TMEM116: variants seen among roughly 807,000 people sequenced by gnomAD.
The protein encoded by TMEM116 is transmembrane protein 116.
A neutral mutation model predicts 44.3 loss-of-function variants in TMEM116; 38 were observed. That is an observed-to-expected ratio of 0.86 (90% CI 0.66 to 1.12). The LOEUF (loss-of-function observed/expected upper bound fraction) is 1.12. TMEM116 is among the 50% of genes most tolerant of loss of function. TMEM116 has a pLI of 0.00. For synonymous variants in TMEM116, 132 were observed against 144.8 expected (o/e 0.91, Z 0.64); for missense variants, 354 against 401.7 (o/e 0.88, Z 1.01).
Position 111,978,130 on chromosome 12 carries a change from G to A in TMEM116, c.210+13628C>T, listed in dbSNP as rs376260408. On this transcript the variant is annotated intron_variant, in intron 4 of 10. Coordinates refer to ENST00000552374, the MANE Select transcript of TMEM116 (RefSeq NM_001193531.2). ...AAAAAAAAAAAGGCCCAGCTAGCGC[G>A]GTGGCTCACGCCTGTAATCCCAGCA... Among the ~76,000 whole-genome samples, 177 of 150,604 alleles carry A rather than the reference G, an allele frequency of 1.2e-3. 1 individual carries two copies. Among genetic ancestry groups the A allele is most frequent in the African/African-American group, 4.1e-3 (169 of 41,036 alleles).
chr12:111,940,466 T>C (rs1327352514), intron 5 of TMEM116, among the ~76,000 whole-genome samples: 2 of 104,438 alleles, frequency 1.9e-5, no homozygotes, highest in African/African-American at 4.5e-5. Context: ...GCCCCCCACA[T>C]ATATATATAT....
chr12:112,000,125 C>G (rs915626755), intron 3 of TMEM116, among the ~76,000 whole-genome samples: 7 of 152,282 alleles, frequency 4.6e-5, no homozygotes, highest in African/African-American at 9.6e-5. Flanking sequence ...GTGACTAACA[C>G]AATTCTCCTT....
At chr12:111,987,131 GCA>G (rs973769439) in intron 4 of TMEM116, among the ~76,000 whole-genome samples, 6 of 152,216 alleles carry the variant, frequency 3.9e-5, no homozygotes, top group African/African-American at 1.4e-4. Context: ...GACAATATTT[GCA>G]CATTGTATGT....
At chr12:111,945,881 CACTTTCAGG>C (rs2073234989) in intron 4 of TMEM116, among the ~76,000 whole-genome samples, 1 of 152,150 alleles carries the variant, frequency 6.6e-6, no homozygotes, top group Admixed American at 6.5e-5. Context: ...TTCTGTTTTT[CACTTTCAGG>C]ACAGTATTCA....
intron 5 of TMEM116, among the ~76,000 whole-genome samples, chr12:111,940,833 T>C (rs1465987597): frequency 6.6e-6 from 1 of 152,094 alleles, no homozygotes; most frequent in African/African-American, 2.4e-5. Context: ...CTTTAGGGAA[T>C]GACTTGTGGC....
At chr12:111,994,373 T>G (rs906544480) in intron 3 of TMEM116, among the ~76,000 whole-genome samples, 1 of 152,176 alleles carries the variant, frequency 6.6e-6, no homozygotes, top group Non-Finnish European at 1.5e-5. Flanking sequence ...GGCTCTTTCT[T>G]TGTTCCCAGG....
intron 5 of TMEM116, among the ~76,000 whole-genome samples, chr12:111,939,028 A>G (rs541663779): frequency 6.6e-6 from 1 of 152,270 alleles, no homozygotes; most frequent in South Asian, 2.1e-4. Context: ...TGACTTTAGG[A>G]AAATAAATAA....
At chr12:112,003,567 CAAA>C (rs374296039) in intron 3 of TMEM116, 980 of 275,644 alleles carry the variant, frequency 3.6e-3, no homozygotes, top group Middle Eastern at 6.6e-3. Flanking sequence ...GACTCCGTCT[CAAA>C]AAAAAAAAAA....
chr12:111,951,403 C>T (rs1593346667), intron 4 of TMEM116, among the ~76,000 whole-genome samples: 1 of 152,294 alleles, frequency 6.6e-6, no homozygotes, highest in East Asian at 1.9e-4. Context: ...ATAGCAAAGA[C>T]ATAGAATCAA....
At chr12:111,973,054 C>T (rs968662441) in intron 4 of TMEM116, among the ~76,000 whole-genome samples, 2 of 152,138 alleles carry the variant, frequency 1.3e-5, no homozygotes, top group African/African-American at 4.8e-5. Flanking sequence ...AGGAGAATTG[C>T]TTGAACCCAG....
At chr12:111,945,177 C>A (rs763913628) in intron 4 of TMEM116, among the ~76,000 whole-genome samples, 6 of 150,082 alleles carry the variant, frequency 4.0e-5, no homozygotes, top group African/African-American at 7.3e-5. Context: ...ACCCCCATCT[C>A]TACTAAAAAT....
chr12:111,937,215 C>T lies in TMEM116; in HGVS notation c.394G>A (p.Val132Ile), dbSNP rs1175303565. The change falls in exon 7 of 11, where the codon GTA becomes ATA. Residue 132 changes from valine to isoleucine, a missense_variant. Transcript: ENST00000552374. Reference protein sequence around the residue: ...SLIPLLLMTPVFCLGNTSECF... With the variant: ...SLIPLLLMTPIFCLGNTSECF... ...TCACTAGTATTTCCCAGACAGAATA[C>T]AGGTGTCATCAATAGCAGAGGTATC... 3 of 1,613,864 alleles carry T rather than the reference C, an allele frequency of 1.9e-6. No individual in the cohort carries two copies. In the South Asian group the frequency reaches 3.3e-5, roughly 18 times the overall value.
chr12:111,942,473 C>T (rs562191692), intron 5 of TMEM116, among the ~76,000 whole-genome samples: 2 of 152,148 alleles, frequency 1.3e-5, no homozygotes, highest in South Asian at 2.1e-4. Flanking sequence ...GGAGTTTCAC[C>T]GTGTTAGCCC....
chr12:111,957,603 G>A (rs1286866872), intron 4 of TMEM116, among the ~76,000 whole-genome samples: 8 of 149,166 alleles, frequency 5.4e-5, no homozygotes, highest in Non-Finnish European at 8.9e-5. Flanking sequence ...CCGGCCAGCC[G>A]CCCCGTCCGG....
intron 8 of TMEM116, 28 bp from the exon 9 acceptor site, chr12:111,934,058 T>G: frequency 6.2e-7 from 1 of 1,612,920 alleles, no homozygotes; most frequent in Non-Finnish European, 8.5e-7. Flanking sequence ...AGTGAGCAGT[T>G]TGCTTAAAGC....
intron 5 of TMEM116, among the ~76,000 whole-genome samples, chr12:111,940,544 TAC>T (rs201721660): frequency 0.018 from 1,524 of 84,448 alleles, 63 homozygotes; most frequent in African/African-American, 0.12. Context: ...TATATATATA[TAC>T]ACACACACAT....
chr12:111,976,061 T>G (rs1380087048), intron 4 of TMEM116, among the ~76,000 whole-genome samples: 1 of 151,996 alleles, frequency 6.6e-6, no homozygotes, highest in Non-Finnish European at 1.5e-5. Context: ...AGTGCTGGAG[T>G]GCAGTGGTGC....
chr12:111,987,603 A>G (rs1419274739), intron 4 of TMEM116, among the ~76,000 whole-genome samples: 1 of 152,180 alleles, frequency 6.6e-6, no homozygotes, highest in African/African-American at 2.4e-5. Flanking sequence ...GCCCAACATT[A>G]CTAATGATTA....
chr12:111,944,543 A>T (rs1316868760), intron 4 of TMEM116, among the ~76,000 whole-genome samples: 1 of 152,070 alleles, frequency 6.6e-6, no homozygotes, highest in African/African-American at 2.4e-5. Flanking sequence ...CAAACAGACC[A>T]CTGTCTTGGT....
Sources: allele counts gnomAD v4.1 joint callset (sites outside exome capture counted in the v4.1 genomes callset), GRCh38; gene constraint gnomAD v4.1.1; transcripts MANE v1.5; gene names NCBI Gene and HGNC (gene_info 2026-07-23, HGNC 2026-07-21).